SIM2: variants seen among roughly 807,000 people sequenced by gnomAD.
The protein encoded by SIM2 is single-minded homolog 2.
A neutral mutation model predicts 64.8 loss-of-function variants in SIM2; 28 were observed. The ratio of observed to expected loss-of-function variants is 0.43; its 90% confidence interval spans 0.32 to 0.59. The LOEUF (loss-of-function observed/expected upper bound fraction) is 0.59. Ranked by LOEUF, SIM2 falls within the 20% of genes least tolerant of loss-of-function variation. SIM2 has a pLI of 0.07. For missense variants in SIM2, 847 were observed against 871.4 expected (o/e 0.97, Z 0.35); for synonymous variants, 408 against 391.1 (o/e 1.04, Z -0.51).
rs896299969 is a variant in SIM2, at chr21:36,709,271, G to A, written c.258+21G>A. On this transcript the variant is annotated intron_variant, in intron 2 of 10. Coordinates refer to ENST00000290399, the MANE Select transcript of SIM2 (RefSeq NM_005069.6). ...TGCAGGTAGAGCGGCCTCGCCGGGG[G>A]AGGAGCGCAGCCGCCGCAGGCTCCC... The A allele has an allele frequency of 1.0e-5, 16 of 1,571,002 alleles. No homozygotes were observed. In the Admixed American group the frequency reaches 1.5e-4, roughly 14 times the overall value.
chr21:36,739,843 C>T (rs773014420), intron 7 of SIM2, among the ~76,000 whole-genome samples: 22 of 151,974 alleles, frequency 1.4e-4, no homozygotes, highest in Admixed American at 7.2e-4. Context: ...AGTTTGAGAC[C>T]AGCCTGGCCA....
intron 7 of SIM2, among the ~76,000 whole-genome samples, chr21:36,737,961 C>CAAAAAAAA (rs61252184): frequency 0.019 from 660 of 34,038 alleles, 68 homozygotes; most frequent in Middle Eastern, 0.067. Context: ...GACCCTGTCT[C>CAAAAAAAA]AAAAAAAAAA....
At chr21:36,728,842 G>A (rs985620681) in intron 6 of SIM2, among the ~76,000 whole-genome samples, 15 of 152,248 alleles carry the variant, frequency 9.9e-5, no homozygotes, top group African/African-American at 3.1e-4. Flanking sequence ...TCACAGGAGC[G>A]AGGGTGGTCG....
chr21:36,708,588 C>T (rs1388722767), intron 1 of SIM2, among the ~76,000 whole-genome samples: 2 of 152,128 alleles, frequency 1.3e-5, no homozygotes, highest in Admixed American at 1.3e-4. Flanking sequence ...AGGAGGACCG[C>T]GCTCGTGGGG....
In SIM2 at chr21:36,737,468, G is replaced by A. The variant is rs78549407; in HGVS notation, c.851-4249G>A. On this transcript the variant is annotated intron_variant, in intron 7 of 10. Coordinates refer to ENST00000290399, the MANE Select transcript of SIM2 (RefSeq NM_005069.6). ...GTGATCTGTTGACCCAGACCCTCAG[G>A]GGGGGCTGAGCACAGCCTGGTCCAT... Among the ~76,000 whole-genome samples the A allele has an allele frequency of 6.6e-3, 992 of 151,188 alleles. 13 individuals carry two copies. Among genetic ancestry groups the A allele is most frequent in the African/African-American group, 0.023 (942 of 41,448 alleles).
rs147646943 is a variant in SIM2, at chr21:36,709,206, C to A, written c.214C>A (p.Pro72Thr). The change falls in exon 2 of 11, where the codon CCC becomes ACC. Residue 72 changes from proline to threonine, a missense_variant. Around this residue, in one of 3 missense-constraint regions of SIM2, gnomAD observed 397 missense variants for 439.2 expected, o/e 0.90. Coordinates refer to ENST00000290399, the MANE Select transcript of SIM2 (RefSeq NM_005069.6). ...DAWGQPSRAG[P>T]LDGVAKELGS... ...GTGGGGACAGCCGAGCCGCGCCGGG[C>A]CCCTGGACGGCGTCGCCAAGGAGCT... The A allele has an allele frequency of 1.1e-4, 175 of 1,610,464 alleles. No homozygotes were observed. Among genetic ancestry groups the A allele is most frequent in the Non-Finnish European group, 1.4e-4 (168 of 1,178,886 alleles).
chr21:36,721,726 G>A (rs760219709), intron 4 of SIM2, among the ~76,000 whole-genome samples: 4 of 152,064 alleles, frequency 2.6e-5, no homozygotes, highest in East Asian at 1.9e-4. Flanking sequence ...GTGAGCCACC[G>A]TGCCTGGCCT....
At chr21:36,728,090 G>A (rs1224243594) in intron 6 of SIM2, among the ~76,000 whole-genome samples, 2 of 152,204 alleles carry the variant, frequency 1.3e-5, no homozygotes, top group Non-Finnish European at 2.9e-5. Flanking sequence ...AGAGGGAGGC[G>A]CTGCAGGGAG....
chr21:36,734,422 T>C (rs2089016111), intron 7 of SIM2, among the ~76,000 whole-genome samples: 1 of 152,166 alleles, frequency 6.6e-6, no homozygotes, highest in South Asian at 2.1e-4. Context: ...GAATTGGTAA[T>C]TCAAAGAAAA....
chr21:36,704,287 C>T (rs2088547976), intron 1 of SIM2, among the ~76,000 whole-genome samples: 2 of 152,246 alleles, frequency 1.3e-5, no homozygotes, highest in Non-Finnish European at 2.9e-5. Flanking sequence ...GAGAAACTCA[C>T]CCCTATACCC....
At chr21:36,712,430 G>T in intron 2 of SIM2, 103 bp from the exon 3 acceptor site, 1 of 777,742 alleles carries the variant, frequency 1.3e-6, no homozygotes, top group South Asian at 1.7e-5. Flanking sequence ...ATGTGTTGAT[G>T]GTCATATTTG....
At position 36,726,209 on chromosome 21, in the gene SIM2, G is replaced by T; in HGVS notation, c.634G>T (p.Ala212Ser). The T allele has an allele frequency of 6.2e-7, 1 of 1,613,950 alleles. No individual in the cohort carries two copies. The highest frequency in any genetic ancestry group is 1.7e-5 in the Admixed American group (1 of 60,030). Residue 212 changes from alanine to serine, a missense_variant, in exon 6 of 11, where the codon GCC (alanine) becomes TCC (serine). Coordinates refer to ENST00000290399, the MANE Select transcript of SIM2 (RefSeq NM_005069.6). This position sits in a 1 kb window ranked among gnomAD's most constrained non-coding sequence, Gnocchi z 4.5. Reference sequence around the variant, plus strand: ...CTGCTACCAGATTGTGGGGCTGGTGGCCGTGGGCCAGTCGCTGCCACCCAG... The same window carrying T: ...CTGCTACCAGATTGTGGGGCTGGTGTCCGTGGGCCAGTCGCTGCCACCCAG... ...DSCYQIVGLV[A>S]VGQSLPPSAI...
Position 36,747,920 on chromosome 21 carries a change from C to T in SIM2, c.1832C>T (p.Pro611Leu), listed in dbSNP as rs1232200191. ...NYHRVLARRG[P>L]LGGAAPAASG... ...CACCGCGTGCTGGCCCGGCGCGGAC[C>T]GCTGGGGGGCGCCGCACCCGCCGCC... Residue 611 changes from proline to leucine, a missense_variant, in exon 11 of 11, where the codon CCG becomes CTG. By Grantham distance (98) the Pro-to-Leu change is moderately conservative. Transcript: ENST00000290399. This position sits in a 1 kb window ranked among gnomAD's most constrained non-coding sequence, Gnocchi z 4.5. The T allele has an allele frequency of 5.8e-6, 6 of 1,039,888 alleles. No individual in the cohort carries two copies. In the Admixed American group the frequency reaches 1.5e-4, roughly 26 times the overall value. 64.4% of individuals were successfully genotyped at this position (1,039,888 alleles called of 1,614,324 possible). A position where few individuals can be genotyped will look rare whatever the true frequency, so the allele number is the denominator to read the frequency against.
At chr21:36,702,639 C>G (rs2088518232) in intron 1 of SIM2, among the ~76,000 whole-genome samples, 1 of 152,168 alleles carries the variant, frequency 6.6e-6, no homozygotes, top group Non-Finnish European at 1.5e-5. Context: ...CAAAGAGTGG[C>G]AGTGGAGTGG....
At position 36,726,337 on chromosome 21, in the gene SIM2, A is replaced by G; in HGVS notation, c.743+19A>G. The G allele has an allele frequency of 3.1e-6, 5 of 1,604,838 alleles. No homozygotes were observed. The highest frequency in any genetic ancestry group is 4.3e-6 in the Non-Finnish European group (5 of 1,174,952). ...ATTCCAGGTGAGTTCGGCACCTGCC[A>G]CAGTGGCTGTGGCCTTCTGGAAGAC... On this transcript the variant is annotated intron_variant, in intron 6 of 10. Transcript: ENST00000290399. The surrounding 1 kb of genome is among the most constrained non-coding windows in gnomAD (Gnocchi z 4.5).
At chr21:36,746,205 C>T (rs1443708826) in intron 10 of SIM2, 10 of 194,132 alleles carry the variant, frequency 5.2e-5, no homozygotes, top group East Asian at 2.3e-4. Context: ...ATCCCAGCTA[C>T]TCTGGAGGCT....
At chr21:36,709,433 G>A (rs1465530118) in intron 2 of SIM2, 183 bp downstream of exon 2, 3 of 705,304 alleles carry the variant, frequency 4.3e-6, no homozygotes, top group Non-Finnish European at 7.7e-6. Flanking sequence ...TGCGGCCTGC[G>A]GCCAACCCTA....
intron 6 of SIM2, among the ~76,000 whole-genome samples, chr21:36,727,949 A>G (rs2088914472): frequency 6.6e-6 from 1 of 152,204 alleles, no homozygotes; most frequent in African/African-American, 2.4e-5. Context: ...ACTCAGAAGC[A>G]GGGTGAGTGT....
intron 3 of SIM2, among the ~76,000 whole-genome samples, chr21:36,714,999 A>T (rs190150105): frequency 1.1e-3 from 162 of 152,316 alleles, no homozygotes; most frequent in Non-Finnish European, 1.8e-3. Flanking sequence ...AGTTGTAGAG[A>T]TACATACATT....
Sources: gnomAD v4.1 joint callset for allele counts (sites outside exome capture counted in the v4.1 genomes callset) on GRCh38, gnomAD v4.1.1 for gene constraint, gnomAD v4.1.1 regional missense constraint, Gnocchi (gnomAD v3.1) non-coding constraint, MANE v1.5 for transcripts, NCBI Gene and HGNC (gene_info 2026-07-23, HGNC 2026-07-21) for gene names.